The following RBMS3 variants were observed in gnomAD, a reference collection of about 807,000 sequenced individuals.
RBMS3 encodes RNA-binding motif, single-stranded-interacting protein 3.
RBMS3 carries 27 observed loss-of-function variants against 66.8 expected under a neutral mutation model. That is an observed-to-expected ratio of 0.40 (90% CI 0.30 to 0.56). The LOEUF (loss-of-function observed/expected upper bound fraction) is 0.56. RBMS3 is among the 20% of genes least tolerant of loss of function. The probability of loss-of-function intolerance (pLI) is 0.40; values close to 1 mark genes in which losing one functional copy is unlikely to be tolerated. For synonymous variants in RBMS3, 188 were observed against 183.0 expected (o/e 1.03, Z -0.22); for missense variants, 513 against 549.5 (o/e 0.93, Z 0.66).
intron 4 of RBMS3, among the ~76,000 whole-genome samples, chr3:29,671,994 A>G (rs1279451315): frequency 2.6e-5 from 4 of 152,162 alleles, no homozygotes; most frequent in Non-Finnish European, 5.9e-5. Flanking sequence ...TCAGATTCAC[A>G]AAGGTTGTAA....
intron 6 of RBMS3, among the ~76,000 whole-genome samples, chr3:29,856,698 A>G (rs1420661264): frequency 1.3e-5 from 2 of 152,146 alleles, no homozygotes; most frequent in African/African-American, 2.4e-5. Context: ...CTAGTTTATC[A>G]CTTTGTTTCT....
chr3:29,886,773 T>A (rs566267824), intron 8 of RBMS3, among the ~76,000 whole-genome samples: 1 of 151,886 alleles, frequency 6.6e-6, no homozygotes, highest in South Asian at 2.1e-4. Context: ...AGGAAAATCC[T>A]CTTAGTAGGA....
At chr3:29,910,507 C>A (rs1237561426) in intron 10 of RBMS3, among the ~76,000 whole-genome samples, 1 of 152,012 alleles carries the variant, frequency 6.6e-6, no homozygotes, top group Admixed American at 6.6e-5. Flanking sequence ...AAATGTAAAT[C>A]AAAAGATATT....
intron 6 of RBMS3, among the ~76,000 whole-genome samples, chr3:29,807,664 A>G (rs982780785): frequency 5.9e-5 from 9 of 151,954 alleles, no homozygotes; most frequent in Admixed American, 5.3e-4. Context: ...AGATGGCAAT[A>G]TGGTGACTTG....
At chr3:29,737,831 AGT>A (rs3070725) in intron 4 of RBMS3, among the ~76,000 whole-genome samples, 37,337 of 145,504 alleles carry the variant, frequency 0.26, 4,719 homozygotes, top group East Asian at 0.38. Context: ...GTGATAGTGG[AGT>A]GTGTGTGTGT....
At chr3:29,514,787 T>A (rs1253002957) in intron 3 of RBMS3, among the ~76,000 whole-genome samples, 1 of 150,056 alleles carries the variant, frequency 6.7e-6, no homozygotes, top group Non-Finnish European at 1.5e-5. Flanking sequence ...TATATATATA[T>A]GATAGGCATA....
chr3:29,755,434 G>A (rs894300614), intron 5 of RBMS3, among the ~76,000 whole-genome samples: 4 of 152,160 alleles, frequency 2.6e-5, no homozygotes, highest in African/African-American at 4.8e-5. Flanking sequence ...TCAAGATGCT[G>A]GCTGGAAGCA....
At chr3:29,657,365 G>C (rs80229882) in intron 4 of RBMS3, among the ~76,000 whole-genome samples, 1 of 152,080 alleles carries the variant, frequency 6.6e-6, no homozygotes, top group African/African-American at 2.4e-5. Flanking sequence ...CTATTTTGAC[G>C]GGTGCTTTTT....
At chr3:29,335,981 C>G (rs1372001710) in intron 1 of RBMS3, among the ~76,000 whole-genome samples, 1 of 152,024 alleles carries the variant, frequency 6.6e-6, no homozygotes, top group Admixed American at 6.6e-5. Flanking sequence ...AGGACTGGGC[C>G]TGGCGTACCT....
intron 6 of RBMS3, among the ~76,000 whole-genome samples, chr3:29,848,825 A>G (rs1161136624): frequency 6.6e-6 from 1 of 152,158 alleles, no homozygotes; most frequent in African/African-American, 2.4e-5. Flanking sequence ...GTTGTTATTA[A>G]TAAGTTAGGC....
intron 6 of RBMS3, among the ~76,000 whole-genome samples, chr3:29,801,309 C>T (rs2149443493): frequency 7.6e-6 from 1 of 131,436 alleles, no homozygotes; most frequent in South Asian, 2.2e-4. Flanking sequence ...GCTCTGTTGC[C>T]CAGGCTGGAA....
intron 6 of RBMS3, among the ~76,000 whole-genome samples, chr3:29,867,281 T>G (rs2059386453): frequency 6.6e-6 from 1 of 151,860 alleles, no homozygotes; most frequent in Admixed American, 6.6e-5. Context: ...GGGGAAGTTG[T>G]CAGTTATCTA....
chr3:29,383,883 A>G (rs898766528), intron 1 of RBMS3, among the ~76,000 whole-genome samples: 2 of 152,236 alleles, frequency 1.3e-5, no homozygotes, highest in Non-Finnish European at 1.5e-5. Flanking sequence ...TAGAATTATT[A>G]TAAAGATTGA....
intron 6 of RBMS3, among the ~76,000 whole-genome samples, chr3:29,780,319 C>A (rs115605479): frequency 5.4e-4 from 79 of 146,630 alleles, no homozygotes; most frequent in Non-Finnish European, 4.1e-4. Context: ...AGTCAGATAA[C>A]AAAAAAAAAA....
chr3:29,779,763 A>T (rs1489796030), intron 6 of RBMS3, among the ~76,000 whole-genome samples: 4 of 145,552 alleles, frequency 2.7e-5, no homozygotes, highest in East Asian at 3.9e-4. Context: ...AGAAGATACA[A>T]TAGGTTACTG....
intron 6 of RBMS3, among the ~76,000 whole-genome samples, chr3:29,863,205 C>T (rs912542862): frequency 6.3e-5 from 9 of 142,834 alleles, no homozygotes; most frequent in Middle Eastern, 3.5e-3. Context: ...CATCAAACAC[C>T]GGAGCCTGTT....
intron 3 of RBMS3, among the ~76,000 whole-genome samples, chr3:29,562,277 T>C: frequency 6.6e-6 from 1 of 152,158 alleles, no homozygotes; most frequent in Non-Finnish European, 1.5e-5. Flanking sequence ...CAGCCCCTAC[T>C]CAGTGATAGT....
At chr3:29,700,130 G>A (rs1262129363) in intron 4 of RBMS3, among the ~76,000 whole-genome samples, 2 of 152,180 alleles carry the variant, frequency 1.3e-5, no homozygotes, top group Non-Finnish European at 2.9e-5. Context: ...ACTGGACTAT[G>A]TGATCTCTGG....
chr3:29,450,255 A>G (rs926314387), intron 2 of RBMS3, among the ~76,000 whole-genome samples: 6 of 152,174 alleles, frequency 3.9e-5, no homozygotes, highest in African/African-American at 1.2e-4. Context: ...GACCACTGGT[A>G]TAGTGGCTGG....
Sources: gnomAD v4.1 joint callset for allele counts (sites outside exome capture counted in the v4.1 genomes callset) on GRCh38, gnomAD v4.1.1 for gene constraint, MANE v1.5 for transcripts, NCBI Gene and HGNC (gene_info 2026-07-23, HGNC 2026-07-21) for gene names.